JAK1: variants seen among roughly 807,000 people sequenced by gnomAD.
JAK1 encodes the protein tyrosine-protein kinase JAK1.
Under a neutral mutation model 136.6 loss-of-function variants are expected in JAK1, and 16 were observed. The observed-to-expected ratio is 0.12, with a 90% CI of 0.08 to 0.18. The LOEUF (loss-of-function observed/expected upper bound fraction) is 0.18, where lower values mean the gene tolerates loss of function less well. Among genes scored for constraint, JAK1 ranks in the 10% least tolerant of loss-of-function variants. The probability of loss-of-function intolerance (pLI) is 1.00; values close to 1 mark genes in which losing one functional copy is unlikely to be tolerated. For missense variants in JAK1, 859 were observed against 1,450.1 expected, an observed-to-expected ratio of 0.59 and a Z score of 6.62; for synonymous variants, 492 against 519.5, an observed-to-expected ratio of 0.95 and a Z score of 0.72.
rs189139406 is a variant in JAK1, at chr1:65,056,465, G to A, written c.-181+11139C>T. ...AGTGACCATCAATGTCTGAGGACTG[G>A]CACAATGAAGGATAAGAAAGAACCT... On this transcript the variant is annotated intron_variant, in intron 1 of 25. Transcript: ENST00000671954. Among the ~76,000 whole-genome samples the A allele has an allele frequency of 3.4e-3, 518 of 152,260 alleles. 3 individuals are homozygous for A. The highest frequency in any genetic ancestry group is 0.01 in the Middle Eastern group (3 of 294).
At chr1:64,840,894 G>A (rs1405176814) in intron 19 of JAK1, among the ~76,000 whole-genome samples, 1 of 152,048 alleles carries the variant, frequency 6.6e-6, no homozygotes, top group African/African-American at 2.4e-5. Context: ...TCAGAGGCAA[G>A]GATTTTCCTA....
chr1:65,013,831 C>A (rs1646870604), intron 2 of JAK1, among the ~76,000 whole-genome samples: 1 of 151,998 alleles, frequency 6.6e-6, no homozygotes, highest in Admixed American at 6.6e-5. Flanking sequence ...GAAACAGAGT[C>A]AAAAAGATTT....
intron 10 of JAK1, among the ~76,000 whole-genome samples, chr1:64,855,968 T>A (rs1395281486): frequency 6.6e-6 from 1 of 152,222 alleles, no homozygotes; most frequent in African/African-American, 2.4e-5. Context: ...TACAAAAGCG[T>A]CACTTGGTTT....
At chr1:65,035,018 T>G (rs949688369) in intron 2 of JAK1, among the ~76,000 whole-genome samples, 1 of 151,938 alleles carries the variant, frequency 6.6e-6, no homozygotes, top group African/African-American at 2.4e-5. Flanking sequence ...ATCGCACCAT[T>G]GCACTCCAGC....
chr1:65,035,843 C>A (rs1298247598), intron 2 of JAK1, among the ~76,000 whole-genome samples: 1 of 152,016 alleles, frequency 6.6e-6, no homozygotes, highest in African/African-American at 2.4e-5. Flanking sequence ...CCGAGGCGGG[C>A]GGATCATGAG....
At chr1:64,986,103 C>A in intron 2 of JAK1, 24 of 792,120 alleles carry the variant, frequency 3.0e-5, no homozygotes, top group African/African-American at 3.9e-5. Flanking sequence ...TGGCCTCAAT[C>A]TAATTGTTTT....
At chr1:65,027,592 G>C (rs539241228) in intron 2 of JAK1, among the ~76,000 whole-genome samples, 1 of 152,198 alleles carries the variant, frequency 6.6e-6, no homozygotes, top group Non-Finnish European at 1.5e-5. Context: ...GGGAGCTGGA[G>C]AGGGCAGGGA....
At chr1:65,009,374 TG>T (rs1284934878) in intron 2 of JAK1, among the ~76,000 whole-genome samples, 6 of 152,152 alleles carry the variant, frequency 3.9e-5, no homozygotes, top group African/African-American at 1.4e-4. Context: ...GGGAAGGAAG[TG>T]GAATTGATGA....
chr1:64,964,370 A>G (rs2100644638), intron 1 of JAK1, among the ~76,000 whole-genome samples: 1 of 152,336 alleles, frequency 6.6e-6, no homozygotes, highest in African/African-American at 2.4e-5. Flanking sequence ...GTTATACCTT[A>G]GTGTTCTCTT....
chr1:64,923,385 A>C (rs180795598), intron 1 of JAK1, among the ~76,000 whole-genome samples: 1 of 152,336 alleles, frequency 6.6e-6, no homozygotes, highest in East Asian at 1.9e-4. Context: ...TGATTACACA[A>C]TGCCATTTAA....
chr1:64,992,302 C>A (rs1646664424), intron 2 of JAK1: 1 of 152,092 alleles, frequency 6.6e-6, no homozygotes, highest in Non-Finnish European at 1.5e-5. Context: ...ATCACTTGAA[C>A]CCGGGAGGTG....
At position 64,843,941 on chromosome 1, in the gene JAK1, C is replaced by T. The variant is rs141201616; in HGVS notation, c.2403+123G>A. Reference sequence around the variant, plus strand: ...TGTGAGGTCACACACCCAGTAGGCCCGTGAAGAGATTCAAACCCATGCCCA... The same window carrying T: ...TGTGAGGTCACACACCCAGTAGGCCTGTGAAGAGATTCAAACCCATGCCCA... On this transcript the variant is annotated intron_variant, in intron 17 of 24. Transcript: ENST00000342505. 27 of 1,074,894 alleles carry T rather than the reference C, an allele frequency of 2.5e-5. No individual in the cohort carries two copies. In the East Asian group the frequency reaches 4.5e-4, roughly 18 times the overall value. The allele number at this position is 1,074,894 out of a possible 1,614,324, so 66.6% of individuals were successfully genotyped here.
intron 1 of JAK1, among the ~76,000 whole-genome samples, chr1:65,049,021 A>G (rs1359323199): frequency 6.6e-6 from 1 of 152,172 alleles, no homozygotes; most frequent in Non-Finnish European, 1.5e-5. Context: ...TATTTCTAGA[A>G]TTGGAAGTCC....
chr1:64,941,107 T>C (rs1412889162), intron 1 of JAK1, among the ~76,000 whole-genome samples: 1 of 152,180 alleles, frequency 6.6e-6, no homozygotes, highest in Non-Finnish European at 1.5e-5. Flanking sequence ...GGGGTTGCAG[T>C]GAGCCAAAGA....
intron 2 of JAK1, among the ~76,000 whole-genome samples, chr1:65,007,227 T>C (rs1387889441): frequency 6.6e-6 from 1 of 152,128 alleles, no homozygotes; most frequent in Non-Finnish European, 1.5e-5. Context: ...TGTAGGTGGG[T>C]TCCCGAAAGG....
Position 65,036,705 on chromosome 1 carries a change from T to C in JAK1, c.-78+7775A>G, listed in dbSNP as rs11208570. 9.2e-3 allele frequency among the ~76,000 whole-genome samples: 1,404 copies of C among 152,310 alleles called. 14 individuals carry two copies. The highest frequency in any genetic ancestry group is 0.032 in the African/African-American group (1,337 of 41,564). On this transcript the variant is annotated intron_variant, in intron 2 of 25. Transcript: ENST00000671954. ...TAAAGAAGAGCTGTGTATGCAAAAA[T>C]ATCTGGAGCATTGCTCTTTATAATA...
chr1:65,066,287 C>T lies in JAK1; in HGVS notation c.-181+1317G>A, dbSNP rs1021240268. Among the ~76,000 whole-genome samples, 3 of 152,142 alleles carry T rather than the reference C, an allele frequency of 2.0e-5. 1 individual carries two copies. The highest frequency in any genetic ancestry group is 1.9e-4 in the East Asian group (1 of 5,182). On this transcript the variant is annotated intron_variant, in intron 1 of 25. Coordinates refer to the JAK1 transcript ENST00000671954. ...CGGCGTCTCCGCCAAGTCCCCTCCC[C>T]CTTCCTGAAAACCGACCTGGACCAG... is the stretch of plus-strand genomic sequence containing the variant.
At chr1:64,983,031 G>C (rs1158055047) in intron 2 of JAK1, among the ~76,000 whole-genome samples, 3 of 152,076 alleles carry the variant, frequency 2.0e-5, no homozygotes, top group Non-Finnish European at 2.9e-5. Flanking sequence ...GGAACAGTGA[G>C]AACTGAGAAC....
At chr1:65,054,956 GA>G (rs1489072494) in intron 1 of JAK1, among the ~76,000 whole-genome samples, 1 of 152,172 alleles carries the variant, frequency 6.6e-6, no homozygotes, top group Non-Finnish European at 1.5e-5. Context: ...GGAGAGCAGA[GA>G]AATCAACTAA....
Sources: gnomAD v4.1 joint callset for allele counts (sites outside exome capture counted in the v4.1 genomes callset) on GRCh38, gnomAD v4.1.1 for gene constraint, MANE v1.5 for transcripts, NCBI Gene and HGNC (gene_info 2026-07-23, HGNC 2026-07-21) for gene names.